Variants in CNGA2 observed in about 807,000 individuals in gnomAD.
CNGA2 encodes the protein cyclic nucleotide gated channel subunit alpha 2, also known as cyclic nucleotide-gated channel alpha-2.
In CNGA2, 22 loss-of-function variants were observed where a neutral mutation model predicts 35.9. That is an observed-to-expected ratio of 0.61 (90% confidence interval 0.44 to 0.88). The LOEUF (loss-of-function observed/expected upper bound fraction) is 0.88, where lower values mean the gene tolerates loss of function less well. CNGA2 is among the 40% of genes least tolerant of loss of function. The pLI, the probability that CNGA2 is intolerant of heterozygous loss-of-function variation, is 0.00. For missense variants in CNGA2, 555 were observed against 530.8 expected (o/e 1.05, Z -0.45); for synonymous variants, 217 against 209.2 (o/e 1.04, Z -0.32).
At chrX:151,742,749 A>G (rs1371326514) in intron 6 of CNGA2, 107 bp downstream of exon 6, 10 of 530,368 alleles carry the variant, frequency 1.9e-5, no homozygotes, top group Non-Finnish European at 2.2e-5. Flanking sequence ...GGACTCTGGT[A>G]GGTGAGTACC....
At chrX:151,743,028 G>GTGTGTGTGTATATATATACACACA (rs1491122650) in intron 6 of CNGA2, 65 bp from the exon 7 acceptor site, 1 of 8,552 alleles carries the variant, frequency 1.2e-4, no homozygotes, top group African/African-American at 2.9e-4. Context: ...GTATATATAT[G>GTGTGTGTGTATATATATACACACA]CACATATATA....
At position 151,739,811 on chromosome X, in the gene CNGA2, G is replaced by T. The variant is rs1238680095; in HGVS notation, c.374+79G>T. ...AGCTCACTGGGGTTTCTATGCTACT[G>T]CTAGGGGCTATGACAAGCCCTGCTG... On this transcript the variant is annotated intron_variant, in intron 4 of 6. Coordinates refer to ENST00000329903, the MANE Select transcript of CNGA2 (RefSeq NM_005140.3). The T allele has an allele frequency of 2.8e-6, 3 of 1,062,874 alleles. No individual in the cohort carries two copies. In the African/African-American group the frequency reaches 5.5e-5, roughly 20 times the overall value. 87.6% of individuals were successfully genotyped at this position (1,062,874 alleles called of 1,213,427 possible).
chrX:151,742,521 C>G lies in CNGA2; in HGVS notation c.483-15C>G. 8.4e-7 allele frequency: 1 copy of G among 1,186,929 alleles called. No individual in the cohort carries two copies. The highest frequency in any genetic ancestry group is 1.1e-6 in the Non-Finnish European group (1 of 874,922). On this transcript the variant is annotated splice_polypyrimidine_tract_variant and intron_variant, in intron 5 of 6. Transcript: ENST00000329903. ...GCTGGCTTTGGGGGTGAAGCTTAGC[C>G]CTGTCCTCCCGCAGAGCCTGCTTCA...
intron 6 of CNGA2, among the ~76,000 whole-genome samples, 196 bp from the exon 7 acceptor site, chrX:151,742,897 T>C (rs1476478349): frequency 3.4e-5 from 3 of 88,514 alleles, no homozygotes; most frequent in African/African-American, 4.8e-5. Flanking sequence ...GTAGTTTCCT[T>C]GCCTAGAGAT....
intron 5 of CNGA2, 56 bp downstream of exon 5, chrX:151,740,957 G>T (rs771923101): frequency 8.9e-6 from 8 of 903,866 alleles, no homozygotes; most frequent in Non-Finnish European, 1.3e-5. Flanking sequence ...TTCAGACCCC[G>T]GGATTGACGG....
chrX:151,740,921 G>A lies in CNGA2; in HGVS notation c.482+20G>A. Reference sequence around the variant, plus strand: ...GGCCAGGTGAGCAGGGTGGGGCCCAGGAGGGGTGGCCAAAGCAACCCAGTC... The same window carrying A: ...GGCCAGGTGAGCAGGGTGGGGCCCAAGAGGGGTGGCCAAAGCAACCCAGTC... On this transcript the variant is annotated intron_variant, in intron 5 of 6. Transcript: ENST00000329903. The A allele has an allele frequency of 8.6e-7, 1 of 1,168,282 alleles. No homozygotes were observed. The highest frequency in any genetic ancestry group is 1.8e-5 in the South Asian group (1 of 55,884).
At chrX:151,743,042 A>ATATATATGTG in intron 6 of CNGA2, 51 bp from the exon 7 acceptor site, 1 of 520,187 alleles carries the variant, frequency 1.9e-6, no homozygotes, top group African/African-American at 3.3e-5. Flanking sequence ...ATATATATGT[A>ATATATATGTG]TATATATACC....
rs758687932 is a variant in CNGA2 at position 151,743,316 on chromosome X, C to T, written c.813C>T (p.Asn271=). ...CAGAGACACGCACCAACTACCCTAA[C>T]ATCTTCCGCATCAGCAACCTTGTCC... ...DRTETRTNYP[N]IFRISNLVLY... Residue 271 remains asparagine (N), a synonymous_variant, in exon 7 of 7, where the codon AAC becomes AAT. Coordinates refer to ENST00000329903, the MANE Select transcript of CNGA2 (RefSeq NM_005140.3). The T allele has an allele frequency of 3.0e-5, 36 of 1,205,163 alleles. No individual in the cohort carries two copies. The East Asian group carries it at 1.0e-3, about 34-fold the overall frequency.
intron 4 of CNGA2, among the ~76,000 whole-genome samples, chrX:151,740,136 C>T (rs182545151): frequency 3.6e-5 from 4 of 111,899 alleles, no homozygotes; most frequent in East Asian, 2.8e-4. Flanking sequence ...GGAGGAGAAG[C>T]GCTGAATGAT....
rs201322634 is a variant in CNGA2, at chrX:151,744,521, C to A, written c.*23C>A. The A allele has an allele frequency of 2.4e-4, 263 of 1,113,914 alleles. 1 individual carries two copies. The African/African-American group carries it at 5.1e-3, about 22-fold the overall frequency. The allele number at this position is 1,113,914 out of a possible 1,213,427, so 91.8% of individuals were successfully genotyped here. A position where few individuals can be genotyped will look rare whatever the true frequency, so the allele number is the denominator to read the frequency against. On this transcript the variant is annotated 3_prime_UTR_variant, in exon 7 of 7. Transcript: ENST00000329903. Reference sequence around the variant, plus strand: ...TAAGACCTGGGGCCCAACTGCCTCTCCAGCATTGGCCTTGGCCTTGATCCC... The same window carrying A: ...TAAGACCTGGGGCCCAACTGCCTCTACAGCATTGGCCTTGGCCTTGATCCC...
Position 151,744,261 on chromosome X carries a change from GAACGAAGTGGC to G in CNGA2, c.1762_1772del (p.Glu588GlnfsTer30). 1 of 1,210,603 alleles carries G rather than the reference GAACGAAGTGGC, an allele frequency of 8.3e-7. No homozygotes were observed. Among genetic ancestry groups the G allele is most frequent in the Non-Finnish European group, 1.1e-6 (1 of 895,133 alleles). On this transcript the variant is annotated frameshift_variant, in exon 7 of 7. Transcript: ENST00000329903. LOFTEE classifies it high-confidence loss of function. ...TCATGAAGGAGGGACTGCTGGATGA[GAACGAAGTGGC>G]AACCAGCATGGAGGTCGACGTGCAG...
In CNGA2 at chrX:151,744,012, T is replaced by G. The variant is rs780489673; in HGVS notation, c.1509T>G (p.Ala503=). The change falls in exon 7 of 7, where the codon GCT becomes GCG. Residue 503 remains alanine, a synonymous_variant. Coordinates refer to ENST00000329903, the MANE Select transcript of CNGA2 (RefSeq NM_005140.3). The stretch of plus-strand genomic sequence containing the variant: ...AGGAGGGCAAACTGGCAGTGGTGGC[T>G]GATGATGGTGTGACTCAGTATGCTC... ...IIKEGKLAVV[A]DDGVTQYALL... 2.6e-5 allele frequency: 31 copies of G among 1,209,293 alleles called. No homozygotes were observed. Among genetic ancestry groups the G allele is most frequent in the Non-Finnish European group, 3.0e-5 (27 of 895,162 alleles).
In CNGA2 at chrX:151,743,473, T is replaced by C; in HGVS notation, c.970T>C (p.Tyr324His). 1 of 1,210,970 alleles carries C rather than the reference T, an allele frequency of 8.3e-7. No homozygotes were observed. Among genetic ancestry groups the C allele is most frequent in the Non-Finnish European group, 1.1e-6 (1 of 895,381 alleles). ...DPEYGYLARE[Y>H]IYCLYWSTLT... ...TGAGTATGGCTACCTGGCTAGGGAATACATCTATTGCCTTTACTGGTCCAC... is the reference window on the plus strand; with the variant it reads ...TGAGTATGGCTACCTGGCTAGGGAACACATCTATTGCCTTTACTGGTCCAC... Residue 324 changes from tyrosine (Y) to histidine (H), a missense_variant, in exon 7 of 7, where the codon TAC becomes CAC. Coordinates refer to ENST00000329903, the MANE Select transcript of CNGA2 (RefSeq NM_005140.3).
rs1354198868 is a variant in CNGA2, at chrX:151,739,580, G to A, written c.222G>A (p.Gly74=). The A allele has an allele frequency of 1.7e-6, 2 of 1,211,518 alleles. No individual in the cohort carries two copies. Among genetic ancestry groups the A allele is most frequent in the Non-Finnish European group, 2.2e-6 (2 of 895,383 alleles). The change falls in exon 4 of 7, where the codon GGG becomes GGA. Residue 74 remains glycine, a synonymous_variant. Coordinates refer to ENST00000329903, the MANE Select transcript of CNGA2 (RefSeq NM_005140.3). ...SGFRRIVRLV[G]IIREWANKNF... is the part of the protein sequence containing the mutation. ...CCTCTAGGATAGTTCGCCTGGTGGG[G>A]ATCATCAGAGAATGGGCCAACAAGA...
chrX:151,738,672 A>C (rs917293693), intron 2 of CNGA2, 79 bp downstream of exon 2: 2 of 1,094,770 alleles, frequency 1.8e-6, no homozygotes, highest in African/African-American at 3.6e-5. Context: ...AGAGCAAGCA[A>C]TCTTTGTCTC....
rs146494392 is a variant in CNGA2, at chrX:151,738,587, G to T, written c.104G>T (p.Ser35Ile). The change falls in exon 2 of 7, where the codon AGC (serine) becomes ATC (isoleucine). Residue 35 changes from serine (S) to isoleucine (I), a missense_variant. By Grantham distance (142) the Ser-to-Ile change is moderately radical (BLOSUM62 -2). Coordinates refer to ENST00000329903, the MANE Select transcript of CNGA2 (RefSeq NM_005140.3). ...AATGGCAAAGATGACCACAGGACAA[G>T]CAGCAGGTGAGTCTGCATGGTATCA... ...KANGKDDHRT[S>I]SRPHSAADDD... The T allele has an allele frequency of 8.3e-7, 1 of 1,202,458 alleles. No homozygotes were observed. Among genetic ancestry groups the T allele is most frequent in the East Asian group, 3.0e-5 (1 of 33,727 alleles).
rs905780000 is a variant in CNGA2 at position 151,744,929 on chromosome X, C to T, written c.*431C>T. On this transcript the variant is annotated 3_prime_UTR_variant, in exon 7 of 7. Transcript: ENST00000329903. ...TCAGGTACCCAGTGTCTGTCTCCCACGACAGGCCAAGGGATGTGATAGTGT... is the reference window on the plus strand; with the variant it reads ...TCAGGTACCCAGTGTCTGTCTCCCATGACAGGCCAAGGGATGTGATAGTGT... The T allele has an allele frequency of 2.4e-5, 3 of 127,411 alleles. No individual in the cohort carries two copies. The highest frequency in any genetic ancestry group is 6.3e-5 in the African/African-American group (2 of 31,534). The allele number at this position is 127,411 out of a possible 1,213,427, so 10.5% of individuals were successfully genotyped here.
chrX:151,743,933 C>T lies in CNGA2; in HGVS notation c.1430C>T (p.Pro477Leu), dbSNP rs1166300766. The change falls in exon 7 of 7, where the codon CCT becomes CTT. Residue 477 changes from proline to leucine, a missense_variant. Pro to Leu is a moderately conservative substitution (Grantham distance 98). Coordinates refer to ENST00000329903, the MANE Select transcript of CNGA2 (RefSeq NM_005140.3). ...VLKLRPQVFS[P>L]GDYICRKGDI... ...AAACTCCGTCCTCAGGTCTTCAGTC[C>T]TGGGGATTACATTTGCCGCAAAGGG... is the stretch of plus-strand genomic sequence containing the variant. 1 of 1,208,966 alleles carries T rather than the reference C, an allele frequency of 8.3e-7. No individual in the cohort carries two copies. Among genetic ancestry groups the T allele is most frequent in the Non-Finnish European group, 1.1e-6 (1 of 895,055 alleles).
intron 1 of CNGA2, among the ~76,000 whole-genome samples, chrX:151,737,226 C>T (rs1009467095): frequency 8.9e-6 from 1 of 112,069 alleles, no homozygotes; most frequent in Non-Finnish European, 1.9e-5. Flanking sequence ...TTTCTGCCCA[C>T]ACCTGGTAGG....
Sources: allele counts gnomAD v4.1 joint callset (sites outside exome capture counted in the v4.1 genomes callset), GRCh38; gene constraint gnomAD v4.1.1; transcripts MANE v1.5; gene names NCBI Gene and HGNC (gene_info 2026-07-23, HGNC 2026-07-21).